The following RIMBP2 variants were observed in gnomAD, a reference collection of about 807,000 sequenced individuals.
RIMBP2 encodes RIMS-binding protein 2.
In RIMBP2, 48 loss-of-function variants were observed where a neutral mutation model predicts 118.6. The observed-to-expected ratio is 0.40, with a 90% CI of 0.32 to 0.51. The LOEUF (loss-of-function observed/expected upper bound fraction) is 0.51, where lower values mean the gene tolerates loss of function less well. Ranked by LOEUF, RIMBP2 falls within the 20% of genes least tolerant of loss-of-function variation. The pLI is 0.41. For synonymous variants in RIMBP2, 762 were observed against 742.9 expected, an observed-to-expected ratio of 1.03 and a Z score of -0.42; for missense variants, 1,551 against 1,768.3, an observed-to-expected ratio of 0.88 and a Z score of 2.20.
intron 2 of RIMBP2, among the ~76,000 whole-genome samples, chr12:130,602,357 C>T (rs894161070): frequency 6.6e-6 from 1 of 152,220 alleles, no homozygotes; most frequent in East Asian, 1.9e-4. Flanking sequence ...CCCAAAGGAA[C>T]ATTCAGCATC....
At chr12:130,486,433 A>G (rs914914968) in intron 4 of RIMBP2, among the ~76,000 whole-genome samples, 7 of 152,206 alleles carry the variant, frequency 4.6e-5, no homozygotes, top group Admixed American at 3.9e-4. Flanking sequence ...TAATTGCCAC[A>G]TAATTCCAAA....
At chr12:130,496,718 C>A (rs2049201791) in intron 4 of RIMBP2, among the ~76,000 whole-genome samples, 1 of 152,138 alleles carries the variant, frequency 6.6e-6, no homozygotes, top group Non-Finnish European at 1.5e-5. Context: ...GTGATGGCCT[C>A]CTTCAGGCAC....
chr12:130,517,142 T>C (rs921302941), intron 3 of RIMBP2, among the ~76,000 whole-genome samples: 5 of 152,138 alleles, frequency 3.3e-5, no homozygotes, highest in African/African-American at 1.2e-4. Flanking sequence ...GGTCCATTCA[T>C]GGATTAATGG....
At chr12:130,603,581 G>A (rs1266782702) in intron 2 of RIMBP2, among the ~76,000 whole-genome samples, 1 of 152,184 alleles carries the variant, frequency 6.6e-6, no homozygotes, top group East Asian at 1.9e-4. Flanking sequence ...CTGACAGATG[G>A]GTAAGTACAG....
At chr12:130,458,612 C>T (rs575152516) in intron 6 of RIMBP2, among the ~76,000 whole-genome samples, 1 of 152,252 alleles carries the variant, frequency 6.6e-6, no homozygotes, top group East Asian at 1.9e-4. Context: ...AACCCCCAGG[C>T]ACCCATGGGG....
At chr12:130,558,404 G>A (rs2056545972) in intron 2 of RIMBP2, among the ~76,000 whole-genome samples, 3 of 152,162 alleles carry the variant, frequency 2.0e-5, no homozygotes, top group Non-Finnish European at 4.4e-5. Context: ...ACAGCTGCCG[G>A]GGTGGGGCTG....
At chr12:130,405,440 C>A (rs2075069612) in intron 21 of RIMBP2, among the ~76,000 whole-genome samples, 2 of 152,114 alleles carry the variant, frequency 1.3e-5, no homozygotes, top group South Asian at 4.1e-4. Context: ...GGTGGAAACA[C>A]ATGTGCAAGG....
intron 1 of RIMBP2, among the ~76,000 whole-genome samples, chr12:130,706,966 C>G (rs1345287040): frequency 6.6e-6 from 1 of 152,180 alleles, no homozygotes; most frequent in African/African-American, 2.4e-5. Context: ...CAGCCCTACC[C>G]CATGGAAGAG....
chr12:130,527,789 C>A (rs1468751290), intron 2 of RIMBP2, among the ~76,000 whole-genome samples: 1 of 149,460 alleles, frequency 6.7e-6, no homozygotes, highest in Non-Finnish European at 1.5e-5. Context: ...AGAACATGAA[C>A]AGAAACTTCT....
intron 6 of RIMBP2, among the ~76,000 whole-genome samples, chr12:130,468,842 CCAGCCTGACAGTCA>C (rs1418839924): frequency 6.6e-6 from 1 of 152,222 alleles, no homozygotes; most frequent in African/African-American, 2.4e-5. Context: ...GACTGCTCTC[CCAGCCTGACAGTCA>C]CAGCCTTGGC....
chr12:130,601,351 A>AAAAC (rs2059872534), intron 2 of RIMBP2, among the ~76,000 whole-genome samples: 1 of 149,872 alleles, frequency 6.7e-6, no homozygotes, highest in Admixed American at 6.6e-5. Context: ...AAAAAAAAAA[A>AAAAC]AAAAAAAAAG....
intron 9 of RIMBP2, among the ~76,000 whole-genome samples, chr12:130,449,675 CTT>C (rs1272469519): frequency 1.3e-5 from 2 of 152,088 alleles, no homozygotes; most frequent in African/African-American, 4.8e-5. Flanking sequence ...TGGAAACAGT[CTT>C]TGCAAATGTG....
At chr12:130,658,896 G>A (rs564381709) in intron 1 of RIMBP2, 2 of 152,328 alleles carry the variant, frequency 1.3e-5, no homozygotes, top group South Asian at 4.2e-4. Flanking sequence ...TGAAACTCTC[G>A]GCTCTAAACC....
At chr12:130,590,299 C>T (rs1390470658) in intron 2 of RIMBP2, among the ~76,000 whole-genome samples, 3 of 152,180 alleles carry the variant, frequency 2.0e-5, no homozygotes, top group African/African-American at 7.2e-5. Flanking sequence ...TGCCAACTGA[C>T]AACACACGTA....
chr12:130,438,319 C>G (rs749650298), intron 12 of RIMBP2, 46 bp downstream of exon 12: 1 of 1,599,092 alleles, frequency 6.3e-7, no homozygotes, highest in South Asian at 1.1e-5. Context: ...GTCCCTGCTG[C>G]GTTAGGGCCT....
At chr12:130,611,253 T>C (rs998840104) in intron 2 of RIMBP2, among the ~76,000 whole-genome samples, 2 of 152,164 alleles carry the variant, frequency 1.3e-5, no homozygotes, top group African/African-American at 4.8e-5. Flanking sequence ...CCACGAGCTC[T>C]GTCCCCACGT....
chr12:130,580,750 GCCAACATGGTGAAACC>G (rs2058418599), intron 2 of RIMBP2, among the ~76,000 whole-genome samples: 1 of 152,130 alleles, frequency 6.6e-6, no homozygotes, highest in Non-Finnish European at 1.5e-5. Flanking sequence ...GACCAGCCTG[GCCAACATGGTGAAACC>G]CCATCTCTAC....
At chr12:130,694,228 G>A (rs910968353) in intron 1 of RIMBP2, among the ~76,000 whole-genome samples, 2 of 152,170 alleles carry the variant, frequency 1.3e-5, no homozygotes, top group African/African-American at 4.8e-5. Context: ...TGGAGGAGGA[G>A]TCACTGCAAG....
intron 2 of RIMBP2, among the ~76,000 whole-genome samples, chr12:130,550,660 G>A (rs1313548864): frequency 6.6e-6 from 1 of 152,186 alleles, no homozygotes; most frequent in Non-Finnish European, 1.5e-5. Context: ...ACTATAAAAT[G>A]CCATGTCATT....
Sources: gnomAD v4.1 joint callset for allele counts (sites outside exome capture counted in the v4.1 genomes callset) on GRCh38, gnomAD v4.1.1 for gene constraint, MANE v1.5 for transcripts, NCBI Gene and HGNC (gene_info 2026-07-23, HGNC 2026-07-21) for gene names.